Variants in AGBL1 observed in about 807,000 individuals in gnomAD.
AGBL1 encodes AGBL carboxypeptidase 1, also known as cytosolic carboxypeptidase 4.
In AGBL1, 130 loss-of-function variants were observed where a neutral mutation model predicts 118.9. The ratio of observed to expected loss-of-function variants is 1.09; its 90% confidence interval spans 0.95 to 1.26. AGBL1 has a LOEUF of 1.26. AGBL1 is among the 50% of genes most tolerant of loss of function. The pLI is 0.00. For synonymous variants in AGBL1, 555 were observed against 478.9 expected, an observed-to-expected ratio of 1.16 and a Z score of -2.08; for missense variants, 1,584 against 1,298.1, an observed-to-expected ratio of 1.22 and a Z score of -3.38.
intron 22 of AGBL1, among the ~76,000 whole-genome samples, chr15:86,847,040 T>C (rs890845172): frequency 6.6e-6 from 1 of 152,246 alleles, no homozygotes; most frequent in Non-Finnish European, 1.5e-5. Context: ...TCTAACATTT[T>C]AATTCTACTA....
intron 17 of AGBL1, among the ~76,000 whole-genome samples, chr15:86,325,527 A>C (rs1378187395): frequency 6.6e-6 from 1 of 152,176 alleles, no homozygotes; most frequent in African/African-American, 2.4e-5. Context: ...CTTTTCTGTA[A>C]CTTGCTAAAA....
chr15:86,884,628 A>G (rs1019902454), intron 22 of AGBL1, among the ~76,000 whole-genome samples: 4 of 152,210 alleles, frequency 2.6e-5, no homozygotes, highest in African/African-American at 9.6e-5. Flanking sequence ...CCTGGACAAC[A>G]TGGTGAAACC....
At chr15:86,266,302 C>T (rs1422965110) in intron 11 of AGBL1, 72 bp from the exon 12 acceptor site, 7 of 1,151,736 alleles carry the variant, frequency 6.1e-6, no homozygotes, top group South Asian at 3.2e-5. Context: ...AAGTTCTTCC[C>T]AGGTGATCAC....
rs768659288 is a variant in AGBL1 at position 86,397,392 on chromosome 15, G to A, written c.2401G>A (p.Ala801Thr). ...ACATCGTCCATATCAGGTGATCACT[G>A]CTCGAGTTCATCCAGGAGAGAGCAA... ...FRHRPYQVIT[A>T]RVHPGESNAS... Residue 801 changes from alanine (A) to threonine (T), a missense_variant, in exon 18 of 23, where the codon GCT becomes ACT. Physicochemically the swap from Ala to Thr is moderately conservative, Grantham distance 58. Coordinates refer to ENST00000614907, the MANE Select transcript of AGBL1 (RefSeq NM_001386094.1). 4.3e-6 allele frequency: 7 copies of A among 1,609,404 alleles called. No individual in the cohort carries two copies. The highest frequency in any genetic ancestry group is 1.3e-5 in the African/African-American group (1 of 74,890).
chr15:86,990,263 C>G (rs181146323), intron 24 of AGBL1, among the ~76,000 whole-genome samples: 460 of 152,140 alleles, frequency 3.0e-3, no homozygotes, highest in Non-Finnish European at 5.3e-3. Flanking sequence ...ATCTATAATC[C>G]CAGCACTTTG....
chr15:87,007,185 A>G (rs947231188), intron 24 of AGBL1, among the ~76,000 whole-genome samples: 9 of 152,108 alleles, frequency 5.9e-5, no homozygotes, highest in Admixed American at 1.3e-4. Flanking sequence ...TATACAGTAC[A>G]TTTTTTCCAG....
chr15:86,774,908 G>C (rs894143495), intron 22 of AGBL1, among the ~76,000 whole-genome samples: 7 of 152,124 alleles, frequency 4.6e-5, no homozygotes, highest in South Asian at 2.1e-4. Flanking sequence ...GCCATGCTAA[G>C]GAGTGAGGAT....
chr15:86,166,392 C>A (rs951561884), intron 5 of AGBL1, among the ~76,000 whole-genome samples: 1 of 152,164 alleles, frequency 6.6e-6, no homozygotes, highest in Non-Finnish European at 1.5e-5. Flanking sequence ...TGTGGAAATG[C>A]CTTTATAATG....
At chr15:86,493,627 T>G (rs571245011) in intron 18 of AGBL1, among the ~76,000 whole-genome samples, 1 of 152,230 alleles carries the variant, frequency 6.6e-6, no homozygotes, top group East Asian at 1.9e-4. Flanking sequence ...CAAGATTTCA[T>G]GAAGCTTAAG....
intron 24 of AGBL1, among the ~76,000 whole-genome samples, chr15:86,993,502 C>G (rs568876702): frequency 2.0e-5 from 3 of 152,198 alleles, no homozygotes; most frequent in African/African-American, 7.2e-5. Context: ...CTGTCACAAA[C>G]ATGAGAGCAG....
Position 86,587,794 on chromosome 15 carries a change from C to A in AGBL1, c.2994+33257C>A, listed in dbSNP as rs190407520. On this transcript the variant is annotated intron_variant, in intron 21 of 22. Coordinates refer to ENST00000614907, the MANE Select transcript of AGBL1 (RefSeq NM_001386094.1). ...CAGGGAAGATGCTGCCATGAGAACC[C>A]ACGTAGTAATCACACAACAGCTGCT... Among the ~76,000 whole-genome samples, 7 of 152,282 alleles carry A rather than the reference C, an allele frequency of 4.6e-5. No individual in the cohort carries two copies. In the East Asian group the frequency reaches 1.4e-3, roughly 29 times the overall value.
chr15:86,823,404 G>A (rs2078967751), intron 22 of AGBL1, among the ~76,000 whole-genome samples: 1 of 152,138 alleles, frequency 6.6e-6, no homozygotes, highest in African/African-American at 2.4e-5. Flanking sequence ...GTCTGTCAGT[G>A]CCTTGAAATT....
chr15:86,587,055 C>G (rs77362367), intron 21 of AGBL1, among the ~76,000 whole-genome samples: 11,220 of 152,142 alleles, frequency 0.074, 507 homozygotes, highest in East Asian at 0.12. Context: ...AGAGTTCGGA[C>G]TAGAACCCAT....
intron 21 of AGBL1, among the ~76,000 whole-genome samples, chr15:86,659,594 A>G (rs2085509214): frequency 6.6e-6 from 1 of 152,128 alleles, no homozygotes; most frequent in Non-Finnish European, 1.5e-5. Flanking sequence ...TTTCATTGAC[A>G]ATACATCCCA....
chr15:86,271,814 TA>T, intron 15 of AGBL1, 108 bp downstream of exon 15: 1 of 1,110,498 alleles, frequency 9.0e-7, no homozygotes, highest in Non-Finnish European at 1.3e-6. Context: ...GCTTGTCTGC[TA>T]AACTTTTTGT....
At chr15:86,338,998 G>T (rs2080418761) in intron 17 of AGBL1, among the ~76,000 whole-genome samples, 1 of 152,046 alleles carries the variant, frequency 6.6e-6, no homozygotes, top group African/African-American at 2.4e-5. Flanking sequence ...ATCATAAGTG[G>T]GTGTTGAATT....
intron 22 of AGBL1, among the ~76,000 whole-genome samples, chr15:86,761,261 T>G (rs1237693231): frequency 6.6e-6 from 1 of 152,102 alleles, no homozygotes; most frequent in East Asian, 1.9e-4. Context: ...TGCCAAGCAC[T>G]GACTCTAACA....
chr15:87,018,580 C>T (rs2570113), intron 24 of AGBL1, among the ~76,000 whole-genome samples: 58,489 of 151,932 alleles, frequency 0.38, 11,793 homozygotes, highest in East Asian at 0.52. Context: ...TCATTACCAC[C>T]AGACCTGCCT....
chr15:86,539,059 A>G (rs539188399), intron 19 of AGBL1, among the ~76,000 whole-genome samples: 1 of 148,146 alleles, frequency 6.8e-6, no homozygotes, highest in Non-Finnish European at 1.5e-5. Flanking sequence ...ATGCATTGGA[A>G]AAGGTCCTAG....
Sources: gnomAD v4.1 joint callset for allele counts (sites outside exome capture counted in the v4.1 genomes callset) on GRCh38, gnomAD v4.1.1 for gene constraint, MANE v1.5 for transcripts, NCBI Gene and HGNC (gene_info 2026-07-23, HGNC 2026-07-21) for gene names.